SCHIP1: variants seen among roughly 807,000 people sequenced by gnomAD.
SCHIP1 encodes the protein schwannomin interacting protein 1, also known as schwannomin-interacting protein 1.
SCHIP1 carries 8 observed loss-of-function variants against 29.7 expected under a neutral mutation model. That is an observed-to-expected ratio of 0.27 (90% confidence interval 0.16 to 0.49). SCHIP1 has a LOEUF of 0.49. Ranked by LOEUF, SCHIP1 falls within the 20% of genes least tolerant of loss-of-function variation. The probability of loss-of-function intolerance (pLI) is 0.99; values close to 1 mark genes in which losing one functional copy is unlikely to be tolerated. For synonymous variants in SCHIP1, 76 were observed against 94.9 expected (o/e 0.80, Z 1.16); for missense variants, 193 against 294.6 (o/e 0.66, Z 2.52).
the SCHIP1 span, among the ~76,000 whole-genome samples, chr3:159,468,200 A>G: frequency 6.6e-6 from 1 of 152,112 alleles, no homozygotes; most frequent in African/African-American, 2.4e-5. Flanking sequence ...TAATTTTTGA[A>G]CCTTGTAATT....
intron 2 of SCHIP1, among the ~76,000 whole-genome samples, chr3:159,884,695 G>A (rs953994932): frequency 2.0e-5 from 3 of 152,104 alleles, no homozygotes; most frequent in African/African-American, 7.2e-5. Flanking sequence ...ATAACACTGG[G>A]TTTGCTACTA....
At chr3:159,686,963 A>G in the SCHIP1 span, among the ~76,000 whole-genome samples, 1 of 152,086 alleles carries the variant, frequency 6.6e-6, no homozygotes, top group Admixed American at 6.5e-5. Flanking sequence ...TTAGGCATTT[A>G]TTGGCCTCTT....
At chr3:159,406,661 A>C in the SCHIP1 span, among the ~76,000 whole-genome samples, 42,111 of 152,072 alleles carry the variant, frequency 0.28, 6,156 homozygotes, top group African/African-American at 0.37. Flanking sequence ...ATGAACCAAT[A>C]AAAAATAATA....
At chr3:159,606,040 G>A in the SCHIP1 span, among the ~76,000 whole-genome samples, 1 of 152,134 alleles carries the variant, frequency 6.6e-6, no homozygotes, top group Non-Finnish European at 1.5e-5. Context: ...GACATCTAGG[G>A]CAGAGTGTTC....
At chr3:159,765,043 A>G in the SCHIP1 span, 6 of 1,554,044 alleles carry the variant, frequency 3.9e-6, no homozygotes, top group African/African-American at 2.7e-5. Flanking sequence ...GGTGCCACCT[A>G]TGGATTGGGA....
the SCHIP1 span, among the ~76,000 whole-genome samples, chr3:159,686,214 A>G: frequency 6.6e-6 from 1 of 152,240 alleles, no homozygotes; most frequent in African/African-American, 2.4e-5. Context: ...AAGGAAAAGA[A>G]AAAGGAAATC....
chr3:159,826,170 G>C, the SCHIP1 span, among the ~76,000 whole-genome samples: 2 of 152,168 alleles, frequency 1.3e-5, no homozygotes, highest in African/African-American at 4.8e-5. Context: ...AATTCACAAA[G>C]GGTAAGGTTT....
At chr3:159,361,531 G>C in the SCHIP1 span, among the ~76,000 whole-genome samples, 1 of 152,180 alleles carries the variant, frequency 6.6e-6, no homozygotes, top group African/African-American at 2.4e-5. Flanking sequence ...TCTGGCTCTT[G>C]CTCTGAGGGA....
the SCHIP1 span, among the ~76,000 whole-genome samples, chr3:159,710,750 A>T: frequency 1.3e-5 from 2 of 152,192 alleles, no homozygotes; most frequent in African/African-American, 4.8e-5. Context: ...AAACTATAAA[A>T]CTAAAAGAAA....
chr3:159,625,598 A>C, the SCHIP1 span, among the ~76,000 whole-genome samples: 1 of 152,074 alleles, frequency 6.6e-6, no homozygotes, highest in African/African-American at 2.4e-5. Flanking sequence ...GCTTCACGTT[A>C]GTAGTTTGCA....
At chr3:159,700,095 T>A in the SCHIP1 span, among the ~76,000 whole-genome samples, 2 of 152,194 alleles carry the variant, frequency 1.3e-5, no homozygotes. Context: ...AAATGGGATG[T>A]TGTCACATCA....
At chr3:159,382,070 T>G in the SCHIP1 span, among the ~76,000 whole-genome samples, 1 of 152,056 alleles carries the variant, frequency 6.6e-6, no homozygotes. Flanking sequence ...TTGACTAGAA[T>G]AAGTCACATA....
At chr3:159,810,171 G>A in the SCHIP1 span, among the ~76,000 whole-genome samples, 5 of 152,074 alleles carry the variant, frequency 3.3e-5, no homozygotes, top group South Asian at 2.1e-4. Context: ...TCGGCCTCCC[G>A]AGTAGCTGGG....
the SCHIP1 span, among the ~76,000 whole-genome samples, chr3:159,535,286 A>G: frequency 9.2e-5 from 14 of 152,232 alleles, no homozygotes; most frequent in East Asian, 2.7e-3. Flanking sequence ...CCACTCATTC[A>G]CCAGCCCATC....
At chr3:159,777,674 A>G in the SCHIP1 span, among the ~76,000 whole-genome samples, 71 of 152,300 alleles carry the variant, frequency 4.7e-4, no homozygotes, top group Middle Eastern at 3.4e-3. Flanking sequence ...ACACACACAC[A>G]TATGTGGCCT....
chr3:159,854,598 C>G (rs941707218), intron 1 of SCHIP1, among the ~76,000 whole-genome samples: 2 of 152,216 alleles, frequency 1.3e-5, no homozygotes, highest in South Asian at 4.1e-4. Flanking sequence ...AACCCTAACA[C>G]TTCCCAGCTG....
At chr3:159,803,316 G>C in the SCHIP1 span, among the ~76,000 whole-genome samples, 43 of 152,094 alleles carry the variant, frequency 2.8e-4, no homozygotes, top group Non-Finnish European at 7.4e-5. Flanking sequence ...AACATAGAAA[G>C]ATTACTTCCA....
chr3:159,814,782 C>T, the SCHIP1 span, among the ~76,000 whole-genome samples: 1 of 152,188 alleles, frequency 6.6e-6, no homozygotes, highest in African/African-American at 2.4e-5. Flanking sequence ...GATTTTAGAT[C>T]TCCCTTGCCA....
At chr3:159,385,097 A>T in the SCHIP1 span, among the ~76,000 whole-genome samples, 3 of 152,202 alleles carry the variant, frequency 2.0e-5, no homozygotes, top group African/African-American at 7.2e-5. Context: ...TTTTAATCAG[A>T]AATAGAGAAC....
Sources: gnomAD v4.1 joint callset for allele counts (sites outside exome capture counted in the v4.1 genomes callset) on GRCh38, gnomAD v4.1.1 for gene constraint, MANE v1.5 for transcripts, NCBI Gene and HGNC (gene_info 2026-07-23, HGNC 2026-07-21) for gene names.